Variants in PDE11A observed in about 807,000 individuals in gnomAD.
PDE11A encodes the protein phosphodiesterase 11A.
A neutral mutation model predicts 100.5 loss-of-function variants in PDE11A; 100 were observed. The observed-to-expected ratio is 1.00, with a 90% CI of 0.85 to 1.18. PDE11A has a LOEUF of 1.18. PDE11A is among the 50% of genes most tolerant of loss of function. The pLI is 0.00. For synonymous variants in PDE11A, 381 were observed against 420.8 expected (o/e 0.91, Z 1.16); for missense variants, 1,141 against 1,152.6 (o/e 0.99, Z 0.15).
At chr2:177,631,311 C>CCA (rs1437170532) in intron 19 of PDE11A, among the ~76,000 whole-genome samples, 1 of 38,252 alleles carries the variant, frequency 2.6e-5, no homozygotes, top group African/African-American at 6.2e-5. Context: ...AAAAAAAAAA[C>CCA]AAAAAAAAAA....
chr2:177,878,889 AT>A (rs2084284817), intron 4 of PDE11A, among the ~76,000 whole-genome samples: 2 of 152,226 alleles, frequency 1.3e-5, no homozygotes, highest in Non-Finnish European at 2.9e-5. Flanking sequence ...AGTACCTCCT[AT>A]ATGCCCAAAT....
chr2:177,647,319 T>G (rs917717179), intron 19 of PDE11A, among the ~76,000 whole-genome samples: 2 of 152,228 alleles, frequency 1.3e-5, no homozygotes, highest in African/African-American at 4.8e-5. Flanking sequence ...AGTTCTAGGA[T>G]TTCCTAAAAT....
chr2:177,999,947 T>C (rs1300511025), intron 2 of PDE11A, among the ~76,000 whole-genome samples: 1 of 152,214 alleles, frequency 6.6e-6, no homozygotes, highest in African/African-American at 2.4e-5. Flanking sequence ...CACTCCAGCT[T>C]GGGCCCTCCC....
At chr2:177,788,628 T>G (rs938050192) in intron 9 of PDE11A, among the ~76,000 whole-genome samples, 5 of 151,614 alleles carry the variant, frequency 3.3e-5, no homozygotes, top group African/African-American at 1.2e-4. Context: ...TCAACAAAAT[T>G]GATAGACTGC....
intron 1 of PDE11A, among the ~76,000 whole-genome samples, chr2:178,037,906 C>A (rs529286285): frequency 6.6e-6 from 1 of 151,538 alleles, no homozygotes; most frequent in Non-Finnish European, 1.5e-5. Flanking sequence ...AGCATTAGGA[C>A]AAATATCTAA....
intron 18 of PDE11A, among the ~76,000 whole-genome samples, chr2:177,664,451 G>A (rs2080538205): frequency 6.6e-6 from 1 of 152,102 alleles, no homozygotes; most frequent in Non-Finnish European, 1.5e-5. Flanking sequence ...ATGTTTTTCA[G>A]TAAGGTTCTG....
At chr2:178,076,504 C>G (rs1218984596), upstream of PDE11A, among the ~76,000 whole-genome samples, 4 of 152,316 alleles carry the variant, frequency 2.6e-5, no homozygotes, top group East Asian at 7.7e-4. Context: ...CACATAACTC[C>G]TCCAAAGTCA....
chr2:177,855,087 AT>A (rs2083807476), intron 5 of PDE11A, among the ~76,000 whole-genome samples: 1 of 152,162 alleles, frequency 6.6e-6, no homozygotes, highest in Non-Finnish European at 1.5e-5. Flanking sequence ...AATATGTAGC[AT>A]ATTTTTGTTT....
chr2:178,009,480 G>A (rs2086250369), intron 2 of PDE11A, among the ~76,000 whole-genome samples: 1 of 152,104 alleles, frequency 6.6e-6, no homozygotes, highest in Non-Finnish European at 1.5e-5. Context: ...CACCACTGCT[G>A]ATAAAATTAT....
intron 5 of PDE11A, among the ~76,000 whole-genome samples, chr2:177,858,166 C>T (rs561773859): frequency 5.3e-5 from 8 of 152,046 alleles, no homozygotes; most frequent in Admixed American, 3.3e-4. Flanking sequence ...CTAGGCAATA[C>T]CATTCAGGAC....
intron 3 of PDE11A, among the ~76,000 whole-genome samples, chr2:177,902,129 G>A (rs1343088730): frequency 6.6e-6 from 1 of 152,168 alleles, no homozygotes; most frequent in African/African-American, 2.4e-5. Flanking sequence ...CATCCAGATG[G>A]TCTGAAGCAA....
intron 15 of PDE11A, among the ~76,000 whole-genome samples, chr2:177,690,678 A>G (rs1406553603): frequency 1.1e-4 from 17 of 152,214 alleles, no homozygotes; most frequent in Admixed American, 1.1e-3. Flanking sequence ...CAGACTGGGC[A>G]TTTTCCATAA....
At chr2:178,049,528 A>G (rs542075683) in intron 1 of PDE11A, among the ~76,000 whole-genome samples, 7 of 152,286 alleles carry the variant, frequency 4.6e-5, no homozygotes, top group African/African-American at 1.7e-4. Context: ...CAGCCCATGG[A>G]GCATGAGCCG....
intron 19 of PDE11A, among the ~76,000 whole-genome samples, chr2:177,653,708 G>GC (rs1397864219): frequency 6.6e-6 from 1 of 152,246 alleles, no homozygotes; most frequent in East Asian, 1.9e-4. Flanking sequence ...GAGGAGAGAT[G>GC]CATGGAACGG....
At chr2:177,786,886 T>C (rs2105527182) in intron 9 of PDE11A, among the ~76,000 whole-genome samples, 1 of 151,928 alleles carries the variant, frequency 6.6e-6, no homozygotes, top group East Asian at 1.9e-4. Flanking sequence ...TATGGGACTA[T>C]GTGAAAAGAC....
At chr2:177,896,786 CACA>C (rs2084619073) in intron 4 of PDE11A, among the ~76,000 whole-genome samples, 1 of 152,134 alleles carries the variant, frequency 6.6e-6, no homozygotes, top group Non-Finnish European at 1.5e-5. Flanking sequence ...GCAAATGTTT[CACA>C]ACGTTTCTGG....
At chr2:177,756,231 T>C (rs1435088976) in intron 10 of PDE11A, among the ~76,000 whole-genome samples, 1 of 152,126 alleles carries the variant, frequency 6.6e-6, no homozygotes, top group Non-Finnish European at 1.5e-5. Flanking sequence ...TTTCAGGGGT[T>C]ATCAAAATAA....
intron 2 of PDE11A, among the ~76,000 whole-genome samples, chr2:178,093,428 A>G (rs1006014085): frequency 6.6e-6 from 1 of 150,402 alleles, no homozygotes; most frequent in Non-Finnish European, 1.5e-5. Context: ...TCTACCTATC[A>G]TACCAAGCTG....
intron 6 of PDE11A, among the ~76,000 whole-genome samples, chr2:177,832,975 C>T (rs558616739): frequency 6.6e-6 from 1 of 152,274 alleles, no homozygotes; most frequent in Non-Finnish European, 1.5e-5. Context: ...GGCCCTCCTC[C>T]AAGTGTACTT....
Sources: gnomAD v4.1 joint callset for allele counts (sites outside exome capture counted in the v4.1 genomes callset) on GRCh38, gnomAD v4.1.1 for gene constraint, MANE v1.5 for transcripts, NCBI Gene and HGNC (gene_info 2026-07-23, HGNC 2026-07-21) for gene names.